Variants in TENM3 observed in about 807,000 individuals in gnomAD.
TENM3 encodes the protein teneurin-3.
TENM3 carries 63 observed loss-of-function variants against 255.1 expected under a neutral mutation model. The observed-to-expected ratio is 0.25, with a 90% CI of 0.20 to 0.30. The LOEUF is 0.30. Ranked by LOEUF, TENM3 falls within the 10% of genes least tolerant of loss-of-function variation. TENM3 has a pLI of 1.00. For synonymous variants in TENM3, 1,306 were observed against 1,322.3 expected, an observed-to-expected ratio of 0.99 and a Z score of 0.27; for missense variants, 2,929 against 3,461.1, an observed-to-expected ratio of 0.85 and a Z score of 3.86.
chr4:181,641,190 T>C, the TENM3 span, among the ~76,000 whole-genome samples: 77 of 152,136 alleles, frequency 5.1e-4, no homozygotes, highest in East Asian at 0.011. Flanking sequence ...TGTTACTTTT[T>C]TTATTATTAT....
chr4:181,574,423 C>G, the TENM3 span, among the ~76,000 whole-genome samples: 20 of 151,180 alleles, frequency 1.3e-4, no homozygotes, highest in South Asian at 4.2e-4. Flanking sequence ...CCCAGCTACT[C>G]GGGAGGCTGA....
At chr4:182,713,444 G>A (rs1758908914) in intron 12 of TENM3, among the ~76,000 whole-genome samples, 1 of 152,102 alleles carries the variant, frequency 6.6e-6, no homozygotes, top group Non-Finnish European at 1.5e-5. Flanking sequence ...TATTTCCTGG[G>A]CTTTGCTTAT....
At chr4:182,685,543 T>C (rs1401731236) in intron 11 of TENM3, among the ~76,000 whole-genome samples, 2 of 152,152 alleles carry the variant, frequency 1.3e-5, no homozygotes, top group African/African-American at 4.8e-5. Context: ...TTACATATAA[T>C]TTACATATAA....
chr4:182,000,862 G>C, the TENM3 span, among the ~76,000 whole-genome samples: 347 of 152,144 alleles, frequency 2.3e-3, 1 homozygote, highest in African/African-American at 8.0e-3. Context: ...TGATTAGGGA[G>C]AATAAGTTGA....
intron 13 of TENM3, among the ~76,000 whole-genome samples, chr4:182,719,743 G>A (rs1759550035): frequency 6.6e-6 from 1 of 152,040 alleles, no homozygotes; most frequent in Non-Finnish European, 1.5e-5. Flanking sequence ...AGATAAATAA[G>A]CAAAAGAAGC....
At chr4:181,449,581 C>G in the TENM3 span, among the ~76,000 whole-genome samples, 2 of 152,048 alleles carry the variant, frequency 1.3e-5, no homozygotes, top group African/African-American at 4.8e-5. Context: ...GTCAGGAGTT[C>G]GAGACCAGCC....
At chr4:182,374,357 A>T (rs1021508456) in intron 3 of TENM3, among the ~76,000 whole-genome samples, 17 of 152,356 alleles carry the variant, frequency 1.1e-4, no homozygotes, top group Admixed American at 9.8e-4. Flanking sequence ...TATCTAAAGC[A>T]GCAATATAAA....
At chr4:182,718,360 A>G (rs1561153158) in intron 13 of TENM3, among the ~76,000 whole-genome samples, 2 of 152,066 alleles carry the variant, frequency 1.3e-5, no homozygotes, top group Middle Eastern at 3.4e-3. Context: ...TTTACATTTC[A>G]CTTCCTAATA....
the TENM3 span, among the ~76,000 whole-genome samples, chr4:181,723,893 G>C: frequency 6.6e-6 from 1 of 152,318 alleles, no homozygotes; most frequent in African/African-American, 2.4e-5. Flanking sequence ...TTAGAAACTA[G>C]AGATAGTGTA....
the TENM3 span, among the ~76,000 whole-genome samples, chr4:181,954,292 G>A: frequency 6.6e-6 from 1 of 152,016 alleles, no homozygotes; most frequent in Non-Finnish European, 1.5e-5. Flanking sequence ...AATTCCTAGA[G>A]GTAGAATTAT....
intron 6 of TENM3, among the ~76,000 whole-genome samples, chr4:182,654,700 A>G (rs990914053): frequency 1.3e-5 from 2 of 151,998 alleles, no homozygotes; most frequent in African/African-American, 4.8e-5. Flanking sequence ...CTTGTCTAGT[A>G]TATTGGTGTT....
chr4:182,361,784 A>G (rs909175725), intron 3 of TENM3, among the ~76,000 whole-genome samples: 2 of 151,974 alleles, frequency 1.3e-5, no homozygotes, highest in African/African-American at 4.8e-5. Flanking sequence ...TTGGAGGAGG[A>G]GAGGTGCTCT....
chr4:182,578,683 A>AGGC (rs1386382862), intron 3 of TENM3, among the ~76,000 whole-genome samples: 1 of 152,082 alleles, frequency 6.6e-6, no homozygotes, highest in Non-Finnish European at 1.5e-5. Flanking sequence ...CACTCAGGTT[A>AGGC]ATCTCCCTCT....
chr4:182,679,693 A>T lies in TENM3; in HGVS notation c.1354A>T (p.Ser452Cys). The change falls in exon 8 of 28, where the codon AGC (serine) becomes TGC (cysteine). Residue 452 changes from serine to cysteine, a missense_variant. Ser to Cys is a moderately radical substitution (Grantham distance 112). This residue lies in a region of TENM3 where 1,608 missense variants were observed against 1,884.4 expected (regional missense o/e 0.85). Coordinates refer to ENST00000511685, the MANE Select transcript of TENM3 (RefSeq NM_001080477.4). ...TGACTTCGTGGAGCTCCTGGATGGC[A>T]GCAGGCTGATTGCCAGAGAGCAGCG... The part of the protein sequence containing the change: ...QYDFVELLDG[S>C]RLIAREQRSL... The T allele has an allele frequency of 6.2e-7, 1 of 1,613,040 alleles. No homozygotes were observed. Among genetic ancestry groups the T allele is most frequent in the South Asian group, 1.1e-5 (1 of 91,042 alleles).
the TENM3 span, among the ~76,000 whole-genome samples, chr4:182,092,422 G>A: frequency 6.6e-6 from 1 of 152,132 alleles, no homozygotes; most frequent in Admixed American, 6.5e-5. Flanking sequence ...CCAAGGTGGG[G>A]GGATTGCTTG....
chr4:182,596,158 C>T (rs1367384757), intron 3 of TENM3, among the ~76,000 whole-genome samples: 2 of 152,100 alleles, frequency 1.3e-5, no homozygotes, highest in African/African-American at 4.8e-5. Context: ...AGAATCCTTG[C>T]CTTTCAGGAT....
intron 3 of TENM3, among the ~76,000 whole-genome samples, chr4:182,518,878 C>A (rs987141413): frequency 2.0e-5 from 3 of 152,242 alleles, no homozygotes; most frequent in Admixed American, 6.5e-5. Context: ...ACCTGAGAAT[C>A]CCAAACCTAT....
At chr4:182,227,372 G>A (rs1044833670) in intron 1 of TENM3, among the ~76,000 whole-genome samples, 10 of 152,110 alleles carry the variant, frequency 6.6e-5, no homozygotes, top group Admixed American at 1.3e-4. Flanking sequence ...GTCCCATGCC[G>A]GGGTATTCAA....
chr4:181,603,661 A>G, the TENM3 span, among the ~76,000 whole-genome samples: 1 of 152,216 alleles, frequency 6.6e-6, no homozygotes, highest in Non-Finnish European at 1.5e-5. Context: ...TCCAACAAGC[A>G]CCTACTGCCA....
Sources: allele counts gnomAD v4.1 joint callset (sites outside exome capture counted in the v4.1 genomes callset), GRCh38; gene constraint gnomAD v4.1.1; regional missense constraint gnomAD v4.1.1; transcripts MANE v1.5; gene names NCBI Gene and HGNC (gene_info 2026-07-23, HGNC 2026-07-21).